ZFP64: variants seen among roughly 807,000 people sequenced by gnomAD.
ZFP64 encodes ZFP64 zinc finger protein, also known as zinc finger protein 64.
Under a neutral mutation model 51.6 loss-of-function variants are expected in ZFP64, and 14 were observed. That is an observed-to-expected ratio of 0.27 (90% CI 0.18 to 0.42). The LOEUF (loss-of-function observed/expected upper bound fraction) is 0.42. ZFP64 is among the 10% of genes least tolerant of loss of function. The pLI is 1.00. For missense variants in ZFP64, 754 were observed against 906.8 expected (o/e 0.83, Z 2.16); for synonymous variants, 375 against 361.4 (o/e 1.04, Z -0.43).
At chr20:52,184,199 C>T (rs1245831265) in intron 2 of ZFP64, among the ~76,000 whole-genome samples, 1 of 152,162 alleles carries the variant, frequency 6.6e-6, no homozygotes, top group Non-Finnish European at 1.5e-5. Flanking sequence ...TAAACATTCT[C>T]TGAGAATAAG....
intron 5 of ZFP64, among the ~76,000 whole-genome samples, chr20:52,107,008 G>A (rs1200417710): frequency 6.6e-6 from 1 of 152,242 alleles, no homozygotes; most frequent in Non-Finnish European, 1.5e-5. Context: ...TGAGGCAGGA[G>A]AATCACTTGA....
chr20:52,161,614 C>A (rs547328631), intron 4 of ZFP64, among the ~76,000 whole-genome samples: 1 of 152,036 alleles, frequency 6.6e-6, no homozygotes, highest in Non-Finnish European at 1.5e-5. Flanking sequence ...AATTACTGAA[C>A]CCATTCCTTA....
chr20:52,093,432 G>A (rs753507799), intron 7 of ZFP64, among the ~76,000 whole-genome samples: 3 of 152,174 alleles, frequency 2.0e-5, no homozygotes, highest in Admixed American at 6.5e-5. Flanking sequence ...GAGCCACTGC[G>A]CCCAGCCATC....
At chr20:52,163,024 C>T (rs1056804853) in intron 4 of ZFP64, among the ~76,000 whole-genome samples, 2 of 152,116 alleles carry the variant, frequency 1.3e-5, no homozygotes, top group Admixed American at 6.6e-5. Context: ...AAGCTGTGGC[C>T]CTCACTTGTA....
chr20:52,166,392 T>A lies in ZFP64; in HGVS notation c.287-367A>T, dbSNP rs1238155903. ...ATCTGTGGCAGCCATTCTGTAACCA[T>A]AAGGGTAAACATGGAAATCAGATGC... On this transcript the variant is annotated intron_variant, in intron 2 of 5. Transcript: ENST00000216923. Among the ~76,000 whole-genome samples, 3 of 151,982 alleles carry A rather than the reference T, an allele frequency of 2.0e-5. No individual in the cohort carries two copies. The East Asian group carries it at 5.8e-4, about 29-fold the overall frequency.
chr20:52,092,928 G>A (rs868193389), intron 7 of ZFP64, among the ~76,000 whole-genome samples: 16 of 152,216 alleles, frequency 1.1e-4, no homozygotes, highest in Middle Eastern at 3.4e-3. Flanking sequence ...TACTCTCTAA[G>A]GTAAATTGTT....
chr20:52,105,005 G>T, intron 5 of ZFP64: 1 of 1,150,346 alleles, frequency 8.7e-7, no homozygotes, highest in Non-Finnish European at 1.2e-6. Context: ...CGAGTCCCAG[G>T]ACTCTGCGCC....
chr20:52,186,828 G>A lies in ZFP64; in HGVS notation c.286+4C>T. 6 of 1,601,212 alleles carry A rather than the reference G, an allele frequency of 3.7e-6. No individual in the cohort carries two copies. The East Asian group carries it at 1.3e-4, about 36-fold the overall frequency. ...TGGCCGACTCCCCCATGCTCCAGCT[G>A]TACCTGTGATTGTCTGGGTCTCCGA... is the stretch of plus-strand genomic sequence containing the variant. On this transcript the variant is annotated splice_donor_region_variant and intron_variant, in intron 2 of 5. Transcript: ENST00000216923.
intron 5 of ZFP64, chr20:52,111,085 G>T: frequency 9.7e-7 from 1 of 1,029,144 alleles, no homozygotes; most frequent in East Asian, 2.5e-5. Flanking sequence ...CAGGAGAAGG[G>T]GAAGCGGCAG....
intron 5 of ZFP64, among the ~76,000 whole-genome samples, chr20:52,157,757 G>A (rs773710667): frequency 2.0e-5 from 3 of 152,280 alleles, no homozygotes; most frequent in Non-Finnish European, 4.4e-5. Flanking sequence ...TGCCATGGTG[G>A]TTTGCTGACC....
intron 5 of ZFP64, among the ~76,000 whole-genome samples, chr20:52,119,576 A>ACAACACACACACACACACATACATACAC (rs1555802579): frequency 1.5e-5 from 2 of 132,554 alleles, no homozygotes; most frequent in Non-Finnish European, 3.1e-5. Flanking sequence ...ATACACACAC[A>ACAACACACACACACACACATACATACAC]ACACACACAC....
chr20:52,164,050 C>T (rs1357369035), intron 4 of ZFP64, among the ~76,000 whole-genome samples: 2 of 152,122 alleles, frequency 1.3e-5, no homozygotes, highest in African/African-American at 4.8e-5. Flanking sequence ...GTGGCTCACA[C>T]CTGTAAACCT....
intron 2 of ZFP64, among the ~76,000 whole-genome samples, chr20:52,186,228 G>A (rs1983951413): frequency 6.6e-6 from 1 of 152,134 alleles, no homozygotes; most frequent in Admixed American, 6.6e-5. Context: ...CCTTAAGACA[G>A]GGGTATAACT....
intron 5 of ZFP64, among the ~76,000 whole-genome samples, chr20:52,141,929 C>T (rs1219375471): frequency 4.6e-5 from 7 of 152,182 alleles, no homozygotes; most frequent in Non-Finnish European, 7.3e-5. Context: ...TATTATTTTA[C>T]ATGAAATAAC....
chr20:52,099,942 A>G (rs889808268), intron 5 of ZFP64, among the ~76,000 whole-genome samples: 1 of 152,220 alleles, frequency 6.6e-6, no homozygotes, highest in African/African-American at 2.4e-5. Flanking sequence ...AGATTCTGAA[A>G]TATCTCAAAA....
rs1030953924 is a variant in ZFP64, at chr20:52,151,728, G to A, written c.*418C>T. On this transcript the variant is annotated 3_prime_UTR_variant, in exon 6 of 6. Transcript: ENST00000216923. ...AAATTACAATTTATTATGGGGCCAG[G>A]GGGATTCACAACCATCCTTAAAAAC... 19 of 1,009,422 alleles carry A rather than the reference G, an allele frequency of 1.9e-5. No homozygotes were observed. Among genetic ancestry groups the A allele is most frequent in the Middle Eastern group, 5.0e-4 (1 of 2,004 alleles). The allele number at this position is 1,009,422 out of a possible 1,614,324, so 62.5% of individuals were successfully genotyped here. A position where few individuals can be genotyped will look rare whatever the true frequency, so the allele number is the denominator to read the frequency against.
At chr20:52,097,264 T>C (rs2078998466) in intron 7 of ZFP64, 1 of 1,301,616 alleles carries the variant, frequency 7.7e-7, no homozygotes, top group South Asian at 1.2e-5. Flanking sequence ...CTGAGTTTCA[T>C]GAGGCAGATG....
intron 5 of ZFP64, among the ~76,000 whole-genome samples, chr20:52,133,400 A>G (rs1979815463): frequency 6.6e-6 from 1 of 151,074 alleles, no homozygotes; most frequent in Non-Finnish European, 1.5e-5. Flanking sequence ...CAAATTGGAA[A>G]GGAAGAAATC....
In ZFP64 at chr20:52,179,354, C is replaced by A. The variant is rs575226583; in HGVS notation, c.286+7478G>T. Among the ~76,000 whole-genome samples, 3 of 152,298 alleles carry A rather than the reference C, an allele frequency of 2.0e-5. No individual in the cohort carries two copies. In the South Asian group the frequency reaches 6.2e-4, roughly 32 times the overall value. ...CATGAAAACGGACTAACACAGCCACCATCACTAAGCCCTCATGATGGGGCA... is the reference window on the plus strand; with the variant it reads ...CATGAAAACGGACTAACACAGCCACAATCACTAAGCCCTCATGATGGGGCA... On this transcript the variant is annotated intron_variant, in intron 2 of 5. Transcript: ENST00000216923.
Sources: gnomAD v4.1 joint callset for allele counts (sites outside exome capture counted in the v4.1 genomes callset) on GRCh38, gnomAD v4.1.1 for gene constraint, MANE v1.5 for transcripts, NCBI Gene and HGNC (gene_info 2026-07-23, HGNC 2026-07-21) for gene names.